The following ATG5 variants were observed in gnomAD, a reference collection of about 807,000 sequenced individuals.
The protein encoded by ATG5 is autophagy protein 5.
In ATG5, 14 loss-of-function variants were observed where a neutral mutation model predicts 36.5. That is an observed-to-expected ratio of 0.38 (90% confidence interval 0.25 to 0.60). The LOEUF (loss-of-function observed/expected upper bound fraction) is 0.60. Ranked by LOEUF, ATG5 falls within the 20% of genes least tolerant of loss-of-function variation. The probability of loss-of-function intolerance (pLI) is 0.60; values close to 1 mark genes in which losing one functional copy is unlikely to be tolerated. For synonymous variants in ATG5, 95 were observed against 101.5 expected (o/e 0.94, Z 0.38); for missense variants, 195 against 326.7 (o/e 0.60, Z 3.11).
chr6:106,316,306 C>A, intron 1 of ATG5, 40 bp from the exon 2 acceptor site: 1 of 726,860 alleles, frequency 1.4e-6, no homozygotes, highest in South Asian at 2.7e-5. Flanking sequence ...ATCCTTGCAA[C>A]GATGAATGAA....
chr6:106,194,468 T>C (rs1776095104), intron 7 of ATG5, among the ~76,000 whole-genome samples: 1 of 152,358 alleles, frequency 6.6e-6, no homozygotes, highest in Admixed American at 6.5e-5. Flanking sequence ...TAATTCACTT[T>C]ATTAACATAA....
intron 6 of ATG5, among the ~76,000 whole-genome samples, chr6:106,209,234 T>C (rs1447504287): frequency 6.6e-6 from 1 of 152,218 alleles, no homozygotes; most frequent in African/African-American, 2.4e-5. Flanking sequence ...CGTTCATAGC[T>C]GTTTTATTCG....
intron 5 of ATG5, among the ~76,000 whole-genome samples, chr6:106,255,569 C>A (rs138909417): frequency 1.3e-5 from 2 of 152,238 alleles, no homozygotes; most frequent in African/African-American, 2.4e-5. Context: ...AGAGTCAATC[C>A]CAGTAACTGC....
At chr6:106,285,597 A>G (rs1040408230) in intron 4 of ATG5, among the ~76,000 whole-genome samples, 1 of 152,212 alleles carries the variant, frequency 6.6e-6, no homozygotes, top group African/African-American at 2.4e-5. Context: ...GAGATTGGCA[A>G]ACTTTCTGTA....
At chr6:106,227,688 T>A (rs555090307) in intron 6 of ATG5, among the ~76,000 whole-genome samples, 53 of 152,334 alleles carry the variant, frequency 3.5e-4, no homozygotes, top group Middle Eastern at 6.8e-3. Context: ...TGTAGATCAA[T>A]ACCATAGAAA....
intron 4 of ATG5, among the ~76,000 whole-genome samples, chr6:106,288,936 G>T (rs1315997480): frequency 1.3e-5 from 2 of 151,344 alleles, no homozygotes; most frequent in Admixed American, 6.6e-5. Flanking sequence ...TGATCCAAAT[G>T]TGTGTGTGTG....
intron 5 of ATG5, among the ~76,000 whole-genome samples, chr6:106,265,863 T>C (rs891324031): frequency 4.6e-5 from 7 of 152,050 alleles, no homozygotes; most frequent in Admixed American, 3.9e-4. Flanking sequence ...AGAGGGAAAT[T>C]TATAGCACTA....
intron 2 of ATG5, among the ~76,000 whole-genome samples, chr6:106,312,656 A>G (rs927694961): frequency 1.4e-5 from 2 of 147,286 alleles, no homozygotes; most frequent in African/African-American, 5.0e-5. Context: ...ACACACACAC[A>G]CACATAAAAA....
chr6:106,321,128 C>T (rs1462331710), intron 1 of ATG5, among the ~76,000 whole-genome samples: 1 of 152,132 alleles, frequency 6.6e-6, no homozygotes, highest in East Asian at 1.9e-4. Context: ...CCCTGATTTC[C>T]ACCTATTAGT....
intron 6 of ATG5, among the ~76,000 whole-genome samples, chr6:106,237,689 T>C (rs1033994200): frequency 6.6e-6 from 1 of 152,216 alleles, no homozygotes; most frequent in African/African-American, 2.4e-5. Context: ...ATAACAATTA[T>C]TGCCTAATTG....
chr6:106,302,693 C>CT (rs1179727902), intron 3 of ATG5, among the ~76,000 whole-genome samples: 3 of 151,798 alleles, frequency 2.0e-5, no homozygotes, highest in African/African-American at 4.8e-5. Flanking sequence ...ACAGTGAGCT[C>CT]TTTTTTTACT....
intron 6 of ATG5, among the ~76,000 whole-genome samples, chr6:106,224,875 C>G (rs142087377): frequency 1.3e-3 from 196 of 152,230 alleles, no homozygotes; most frequent in Admixed American, 9.9e-3. Context: ...GAGCGAAACT[C>G]TTGTCTCAAA....
intron 3 of ATG5, among the ~76,000 whole-genome samples, chr6:106,299,012 T>A (rs960281625): frequency 6.6e-6 from 1 of 152,178 alleles, no homozygotes; most frequent in South Asian, 2.1e-4. Context: ...AAACCACATA[T>A]ACCCTAAGTA....
At chr6:106,213,500 GA>G (rs1428186384) in intron 6 of ATG5, among the ~76,000 whole-genome samples, 1 of 152,156 alleles carries the variant, frequency 6.6e-6, no homozygotes, top group Admixed American at 6.5e-5. Context: ...AGGGAATATA[GA>G]AGGTCTTCAA....
At chr6:106,274,264 ACTTT>A (rs1562249646) in intron 5 of ATG5, among the ~76,000 whole-genome samples, 1 of 152,166 alleles carries the variant, frequency 6.6e-6, no homozygotes, top group Non-Finnish European at 1.5e-5. Context: ...TAAAAATGCT[ACTTT>A]CTTTTATTTC....
At chr6:106,198,241 T>C (rs1225066456) in intron 7 of ATG5, among the ~76,000 whole-genome samples, 1 of 152,126 alleles carries the variant, frequency 6.6e-6, no homozygotes, top group Non-Finnish European at 1.5e-5. Context: ...TCTCTAAAGA[T>C]ATACAGGAAA....
At chr6:106,215,725 TA>T (rs2114407884) in intron 6 of ATG5, among the ~76,000 whole-genome samples, 1 of 152,156 alleles carries the variant, frequency 6.6e-6, no homozygotes, top group East Asian at 1.9e-4. Context: ...TACGGCAACC[TA>T]AAAATACAAG....
chr6:106,235,507 T>C (rs945627665), intron 6 of ATG5, among the ~76,000 whole-genome samples: 2 of 152,132 alleles, frequency 1.3e-5, no homozygotes, highest in African/African-American at 4.8e-5. Context: ...TTAGCTGGAT[T>C]TCCTAGGCCG....
At chr6:106,309,166 C>G (rs79227523) in intron 2 of ATG5, among the ~76,000 whole-genome samples, 19 of 152,264 alleles carry the variant, frequency 1.2e-4, no homozygotes, top group African/African-American at 4.6e-4. Context: ...CCATTTCTTG[C>G]TTTCCTAAGT....
Sources: gnomAD v4.1 joint callset for allele counts (sites outside exome capture counted in the v4.1 genomes callset) on GRCh38, gnomAD v4.1.1 for gene constraint, MANE v1.5 for transcripts, NCBI Gene and HGNC (gene_info 2026-07-23, HGNC 2026-07-21) for gene names.